RPS6KB1: variants seen among roughly 807,000 people sequenced by gnomAD.
RPS6KB1 encodes ribosomal protein S6 kinase beta-1.
RPS6KB1 carries 12 observed loss-of-function variants against 70.2 expected under a neutral mutation model. The ratio of observed to expected loss-of-function variants is 0.17; its 90% CI spans 0.11 to 0.28. The LOEUF is 0.28. RPS6KB1 is among the 10% of genes least tolerant of loss of function. The pLI, the probability that RPS6KB1 is intolerant of heterozygous loss-of-function variation, is 1.00. For synonymous variants in RPS6KB1, 175 were observed against 211.2 expected (o/e 0.83, Z 1.49); for missense variants, 270 against 646.6 (o/e 0.42, Z 6.32).
intron 4 of RPS6KB1, among the ~76,000 whole-genome samples, chr17:59,919,920 G>T (rs940143054): frequency 2.0e-5 from 3 of 151,998 alleles, no homozygotes; most frequent in Admixed American, 2.0e-4. Context: ...ATTCCCCTTT[G>T]CAGGCACTTA....
intron 1 of RPS6KB1, among the ~76,000 whole-genome samples, chr17:59,901,949 G>C (rs2144696202): frequency 1.4e-5 from 2 of 147,036 alleles, no homozygotes; most frequent in South Asian, 4.3e-4. Context: ...AGTCTCCAAG[G>C]TTGAGTTTGC....
intron 12 of RPS6KB1, among the ~76,000 whole-genome samples, chr17:59,939,731 A>C (rs1331123608): frequency 1.3e-5 from 2 of 152,186 alleles, no homozygotes; most frequent in Non-Finnish European, 2.9e-5. Context: ...CTGGTGTTCT[A>C]TGCTTATCTT....
intron 4 of RPS6KB1, among the ~76,000 whole-genome samples, chr17:59,924,749 T>C (rs2043496031): frequency 6.6e-6 from 1 of 151,962 alleles, no homozygotes; most frequent in South Asian, 2.1e-4. Flanking sequence ...ATAGTATCCA[T>C]GCTGCTGTAC....
chr17:59,927,003 T>C (rs1348530251), intron 5 of RPS6KB1, among the ~76,000 whole-genome samples: 2 of 152,200 alleles, frequency 1.3e-5, no homozygotes, highest in African/African-American at 4.8e-5. Flanking sequence ...TAGCTTATAA[T>C]GGAAATCATC....
At chr17:59,912,434 T>C (rs1308464799) in intron 2 of RPS6KB1, 1 of 357,164 alleles carries the variant, frequency 2.8e-6, no homozygotes, top group African/African-American at 2.1e-5. Context: ...CCTTTATGCA[T>C]AAAATAAACA....
chr17:59,917,829 C>A (rs1245423129), intron 4 of RPS6KB1, among the ~76,000 whole-genome samples: 1 of 152,142 alleles, frequency 6.6e-6, no homozygotes, highest in East Asian at 1.9e-4. Context: ...CCACTGTTTT[C>A]TCTTCTTGGA....
chr17:59,933,388 G>T (rs927933137), intron 7 of RPS6KB1, among the ~76,000 whole-genome samples: 1 of 149,748 alleles, frequency 6.7e-6, no homozygotes, highest in Non-Finnish European at 1.5e-5. Context: ...AAGGTTGAGT[G>T]TATCAGATGG....
chr17:59,922,561 T>TC (rs1401507401), intron 4 of RPS6KB1, among the ~76,000 whole-genome samples: 2 of 138,976 alleles, frequency 1.4e-5, no homozygotes, highest in East Asian at 4.0e-4. Context: ...CTTTTTTTTT[T>TC]TTTTTTTTTT....
intron 12 of RPS6KB1, among the ~76,000 whole-genome samples, chr17:59,940,596 C>T (rs2044520243): frequency 6.6e-6 from 1 of 152,052 alleles, no homozygotes; most frequent in African/African-American, 2.4e-5. Context: ...GATATATTCA[C>T]ATTTTTAATA....
At chr17:59,926,652 A>C in intron 5 of RPS6KB1, 70 bp downstream of exon 5, 1 of 1,264,930 alleles carries the variant, frequency 7.9e-7, no homozygotes, top group Non-Finnish European at 1.1e-6. Context: ...TTATTTTTCA[A>C]TGGAAGAATA....
Position 59,949,730 on chromosome 17 carries a change from A to G in RPS6KB1, c.*2942A>G, listed in dbSNP as rs546884631. ...GGATTTTTCCATACTATTTTTTAAG[A>G]TAGAAGATAATTTGTGGGCAGGGGT... is the stretch of plus-strand genomic sequence containing the variant. On this transcript the variant is annotated 3_prime_UTR_variant, in exon 15 of 15. Transcript: ENST00000225577. 50 of 152,484 alleles carry G rather than the reference A, an allele frequency of 3.3e-4. No individual in the cohort carries two copies. Among genetic ancestry groups the G allele is most frequent in the African/African-American group, 1.2e-3 (49 of 41,524 alleles). The allele number at this position is 152,484 out of a possible 1,614,324, so 9.4% of individuals were successfully genotyped here.
intron 1 of RPS6KB1, among the ~76,000 whole-genome samples, chr17:59,901,131 A>G (rs1419524092): frequency 6.6e-6 from 1 of 151,366 alleles, no homozygotes; most frequent in African/African-American, 2.4e-5. Flanking sequence ...ACTGCATTCC[A>G]GCCTGGGCAA....
At chr17:59,941,446 T>A (rs138573210) in intron 13 of RPS6KB1, among the ~76,000 whole-genome samples, 60 of 151,992 alleles carry the variant, frequency 3.9e-4, no homozygotes, top group Non-Finnish European at 7.1e-4. Flanking sequence ...CATTTCAGCC[T>A]TGTGAGTACC....
intron 4 of RPS6KB1, among the ~76,000 whole-genome samples, chr17:59,916,774 C>T (rs1167534601): frequency 6.6e-6 from 1 of 151,994 alleles, no homozygotes; most frequent in Non-Finnish European, 1.5e-5. Context: ...TTCCCTTTTT[C>T]TTAGTTTATG....
intron 1 of RPS6KB1, among the ~76,000 whole-genome samples, chr17:59,908,229 G>A (rs1019292910): frequency 1.3e-5 from 2 of 149,366 alleles, no homozygotes; most frequent in Non-Finnish European, 3.0e-5. Context: ...GTCTCACTCT[G>A]TCACTTAGGC....
rs1414408996 is a variant in RPS6KB1 at position 59,893,130 on chromosome 17, C to T, written c.-55C>T. 2 of 1,586,652 alleles carry T rather than the reference C, an allele frequency of 1.3e-6. No individual in the cohort carries two copies. Among genetic ancestry groups the T allele is most frequent in the South Asian group, 1.1e-5 (1 of 87,240 alleles). ...AGGCCTAGGCGCAGACGCACTGAGC[C>T]TAAGCAGCCGGTGATGGCGGCAGCG... On this transcript the variant is annotated 5_prime_UTR_variant, in exon 1 of 15. Transcript: ENST00000225577. This position sits in a 1 kb window ranked among gnomAD's most constrained non-coding sequence, Gnocchi z 4.1.
intron 4 of RPS6KB1, among the ~76,000 whole-genome samples, chr17:59,915,772 TA>T (rs1845488917): frequency 8.1e-6 from 1 of 124,092 alleles, no homozygotes; most frequent in East Asian, 2.3e-4. Flanking sequence ...GGCCTACTGC[TA>T]TCTTTTTTTT....
chr17:59,905,868 C>T (rs2042236794), intron 1 of RPS6KB1, among the ~76,000 whole-genome samples: 1 of 151,934 alleles, frequency 6.6e-6, no homozygotes, highest in African/African-American at 2.4e-5. Flanking sequence ...GTTGCCCAGG[C>T]TGGAGTGGAA....
chr17:59,928,117 C>G (rs1377281581), intron 5 of RPS6KB1, among the ~76,000 whole-genome samples: 1 of 151,460 alleles, frequency 6.6e-6, no homozygotes, highest in African/African-American at 2.4e-5. Flanking sequence ...GAGATCGCGC[C>G]AGTACACTGC....
Sources: allele counts gnomAD v4.1 joint callset (sites outside exome capture counted in the v4.1 genomes callset), GRCh38; gene constraint gnomAD v4.1.1; non-coding constraint Gnocchi (gnomAD v3.1); transcripts MANE v1.5; gene names NCBI Gene and HGNC (gene_info 2026-07-23, HGNC 2026-07-21).